Variants in CDH13 observed in about 807,000 individuals in gnomAD.
CDH13 encodes the protein cadherin-13.
A neutral mutation model predicts 63.8 loss-of-function variants in CDH13; 24 were observed. The ratio of observed to expected loss-of-function variants is 0.38; its 90% CI spans 0.27 to 0.53. The LOEUF (loss-of-function observed/expected upper bound fraction) is 0.53, where lower values mean the gene tolerates loss of function less well. CDH13 is among the 20% of genes least tolerant of loss of function. The probability of loss-of-function intolerance (pLI) is 0.85; values close to 1 mark genes in which losing one functional copy is unlikely to be tolerated. For synonymous variants in CDH13, 503 were observed against 355.3 expected (o/e 1.42, Z -4.67); for missense variants, 1,049 against 903.1 (o/e 1.16, Z -2.07).
At chr16:83,087,254 A>C (rs954649957) in intron 3 of CDH13, among the ~76,000 whole-genome samples, 2 of 152,188 alleles carry the variant, frequency 1.3e-5, no homozygotes, top group African/African-American at 4.8e-5. Flanking sequence ...TTGCTTTGAG[A>C]AACATTGGAT....
intron 5 of CDH13, among the ~76,000 whole-genome samples, chr16:83,234,013 G>C (rs1201129097): frequency 1.3e-5 from 2 of 152,162 alleles, no homozygotes; most frequent in East Asian, 3.9e-4. Context: ...TGGAAAGCAG[G>C]GATGGATAAT....
chr16:83,034,801 C>T (rs1337313543), intron 3 of CDH13, among the ~76,000 whole-genome samples: 1 of 152,168 alleles, frequency 6.6e-6, no homozygotes, highest in Non-Finnish European at 1.5e-5. Flanking sequence ...ATTATGAAAA[C>T]TCAGCCACGC....
In CDH13 at chr16:83,592,112, G is replaced by C. The variant is rs118015168; in HGVS notation, c.961-10342G>C. Among the ~76,000 whole-genome samples, 294 of 152,240 alleles carry C rather than the reference G, an allele frequency of 1.9e-3. 4 individuals are homozygous for C. The East Asian group carries it at 0.053, about 28-fold the overall frequency. The stretch of plus-strand genomic sequence containing the variant: ...TGCTTACCCCATCTCATTGTGCTGA[G>C]CTCATCAGGGTGTTGGTCTCTCCCA... On this transcript the variant is annotated intron_variant, in intron 7 of 13. Transcript: ENST00000567109.
intron 1 of CDH13, among the ~76,000 whole-genome samples, chr16:82,764,471 G>A (rs923679689): frequency 3.9e-5 from 6 of 152,156 alleles, no homozygotes; most frequent in African/African-American, 1.4e-4. Flanking sequence ...GTTTAACCTG[G>A]GGGTGGGAGG....
chr16:83,333,721 C>G (rs892076720), intron 5 of CDH13, among the ~76,000 whole-genome samples: 8 of 152,126 alleles, frequency 5.3e-5, no homozygotes, highest in Non-Finnish European at 1.2e-4. Flanking sequence ...GAAACTAAAA[C>G]CTGGAAAGCT....
intron 4 of CDH13, among the ~76,000 whole-genome samples, chr16:83,146,945 T>C (rs1342893135): frequency 6.6e-6 from 1 of 152,026 alleles, no homozygotes; most frequent in East Asian, 1.9e-4. Context: ...AAAATTAGCC[T>C]GGTGTGGTGG....
At chr16:82,826,982 G>A (rs774136491) in intron 1 of CDH13, among the ~76,000 whole-genome samples, 1 of 152,166 alleles carries the variant, frequency 6.6e-6, no homozygotes, top group Non-Finnish European at 1.5e-5. Context: ...ATGCCACACG[G>A]CTGGCTTTGG....
In CDH13 at chr16:83,063,700, A is replaced by G. The variant is rs55951841; in HGVS notation, c.366+31482A>G. On this transcript the variant is annotated intron_variant, in intron 3 of 13. Coordinates refer to ENST00000567109, the MANE Select transcript of CDH13 (RefSeq NM_001257.5). ...CACAAACTTTGTGGCTTAAAACAAC[A>G]CAAATTTATTCTGTTTTAGTTTTGG... Among the ~76,000 whole-genome samples the G allele has an allele frequency of 7.4e-3, 1,132 of 152,334 alleles. 20 individuals carry two copies. Among genetic ancestry groups the G allele is most frequent in the African/African-American group, 0.026 (1,088 of 41,580 alleles).
intron 1 of CDH13, among the ~76,000 whole-genome samples, chr16:82,675,965 C>T (rs376059165): frequency 6.6e-6 from 1 of 152,194 alleles, no homozygotes; most frequent in Non-Finnish European, 1.5e-5. Context: ...TGTGAACCTG[C>T]TTCCCTGGAG....
intron 2 of CDH13, 39 bp from the exon 3 acceptor site, chr16:83,031,971 C>A (rs1162665634): frequency 2.0e-6 from 3 of 1,498,104 alleles, no homozygotes; most frequent in Non-Finnish European, 1.8e-6. Flanking sequence ...AGCTGCCCAA[C>A]CTACTCATGC....
chr16:83,588,462 G>T (rs917265947), intron 7 of CDH13, among the ~76,000 whole-genome samples: 7 of 152,196 alleles, frequency 4.6e-5, no homozygotes, highest in Admixed American at 2.0e-4. Context: ...TTTAGAATAA[G>T]TTCAACTTGT....
At chr16:83,700,157 G>C (rs1469065463) in intron 10 of CDH13, among the ~76,000 whole-genome samples, 1 of 152,138 alleles carries the variant, frequency 6.6e-6, no homozygotes, top group South Asian at 2.1e-4. Context: ...ATTTTGTAGA[G>C]CTTCATATAA....
At chr16:83,709,260 C>A (rs1323990160) in intron 10 of CDH13, among the ~76,000 whole-genome samples, 1 of 152,148 alleles carries the variant, frequency 6.6e-6, no homozygotes, top group Non-Finnish European at 1.5e-5. Flanking sequence ...TAGACTCTGA[C>A]TTGTGGGACT....
intron 3 of CDH13, among the ~76,000 whole-genome samples, chr16:83,058,764 T>A (rs530786452): frequency 1.3e-5 from 2 of 152,318 alleles, no homozygotes; most frequent in South Asian, 4.1e-4. Flanking sequence ...TCTGGGATGG[T>A]CTTAAAAACA....
intron 5 of CDH13, among the ~76,000 whole-genome samples, chr16:83,319,896 G>A (rs1021476907): frequency 6.6e-6 from 1 of 152,142 alleles, no homozygotes; most frequent in African/African-American, 2.4e-5. Flanking sequence ...ATTTTCAAAA[G>A]CCCAACGTAA....
rs376368563 is a variant in CDH13 at position 82,810,662 on chromosome 16, G to A, written c.46-47700G>A. The stretch of plus-strand genomic sequence containing the variant: ...TTCTCAGCCCCCATGGCTGGTCAAG[G>A]GATTACCAGAGAAGATTTTCAAGTA... On this transcript the variant is annotated intron_variant, in intron 1 of 13. Transcript: ENST00000567109. 3.3e-5 allele frequency among the ~76,000 whole-genome samples: 5 copies of A among 152,086 alleles called. No homozygotes were observed. The East Asian group carries it at 5.8e-4, about 18-fold the overall frequency.
At chr16:83,398,281 C>T (rs2091917172) in intron 6 of CDH13, 1 of 152,176 alleles carries the variant, frequency 6.6e-6, no homozygotes, top group African/African-American at 2.4e-5. Flanking sequence ...AAGGCATGCT[C>T]CCTTTAAAGG....
intron 7 of CDH13, among the ~76,000 whole-genome samples, chr16:83,571,325 A>G (rs1245079435): frequency 6.6e-6 from 1 of 152,154 alleles, no homozygotes; most frequent in Non-Finnish European, 1.5e-5. Context: ...TAGAAATACA[A>G]TTGACAGTTG....
chr16:83,760,555 A>T (rs144734974), intron 11 of CDH13, among the ~76,000 whole-genome samples: 1,669 of 152,360 alleles, frequency 0.011, 26 homozygotes, highest in African/African-American at 0.038. Context: ...GAATCTCACA[A>T]ACATAGTGTG....
Sources: allele counts gnomAD v4.1 joint callset (sites outside exome capture counted in the v4.1 genomes callset), GRCh38; gene constraint gnomAD v4.1.1; transcripts MANE v1.5; gene names NCBI Gene and HGNC (gene_info 2026-07-23, HGNC 2026-07-21).